The following TTLL5 variants were observed in gnomAD, a reference collection of about 807,000 sequenced individuals.
TTLL5 encodes the protein tubulin polyglutamylase TTLL5.
Under a neutral mutation model 168.4 loss-of-function variants are expected in TTLL5, and 132 were observed. The ratio of observed to expected loss-of-function variants is 0.78; its 90% CI spans 0.68 to 0.91. The LOEUF (loss-of-function observed/expected upper bound fraction) is 0.91, where lower values mean the gene tolerates loss of function less well. Ranked by LOEUF, TTLL5 falls within the 40% of genes least tolerant of loss-of-function variation. The pLI is 0.00. For missense variants in TTLL5, 1,545 were observed against 1,581.5 expected, an observed-to-expected ratio of 0.98 and a Z score of 0.39; for synonymous variants, 546 against 558.6, an observed-to-expected ratio of 0.98 and a Z score of 0.32.
At chr14:75,861,371 C>G (rs961690607) in intron 28 of TTLL5, among the ~76,000 whole-genome samples, 1 of 152,134 alleles carries the variant, frequency 6.6e-6, no homozygotes, top group Admixed American at 6.5e-5. Flanking sequence ...AGGGAGGGCA[C>G]AGGCAACAGA....
In TTLL5 at chr14:75,954,859, G is replaced by A. The variant is rs534397470; in HGVS notation, c.*413G>A. On this transcript the variant is annotated 3_prime_UTR_variant, in exon 32 of 32. Transcript: ENST00000298832. ...GCTTCCTCTTCTTTTCCAGATTACA[G>A]TATGAAGCTTTATTTTCTTTGTACA... The A allele has an allele frequency of 4.6e-4, 79 of 170,416 alleles. 1 individual carries two copies. The highest frequency in any genetic ancestry group is 1.8e-3 in the African/African-American group (75 of 42,248). The allele number at this position is 170,416 out of a possible 1,614,324, so 10.6% of individuals were successfully genotyped here.
intron 29 of TTLL5, among the ~76,000 whole-genome samples, chr14:75,866,548 G>T (rs2030533346): frequency 6.6e-6 from 1 of 152,200 alleles, no homozygotes; most frequent in Admixed American, 6.5e-5. Flanking sequence ...TTATGTTTAT[G>T]AACAGCATCT....
At chr14:75,919,966 C>A (rs574041819) in intron 31 of TTLL5, among the ~76,000 whole-genome samples, 1 of 151,994 alleles carries the variant, frequency 6.6e-6, no homozygotes, top group South Asian at 2.1e-4. Flanking sequence ...ACTAAAAATA[C>A]AAAAATTAGC....
chr14:75,906,327 C>T (rs1452268692), intron 31 of TTLL5, among the ~76,000 whole-genome samples: 1 of 152,096 alleles, frequency 6.6e-6, no homozygotes, highest in Admixed American at 6.6e-5. Flanking sequence ...CCTGATTGCT[C>T]CCCAGATTTT....
At chr14:75,920,764 A>T (rs947720814) in intron 31 of TTLL5, among the ~76,000 whole-genome samples, 2 of 152,236 alleles carry the variant, frequency 1.3e-5, no homozygotes, top group African/African-American at 4.8e-5. Flanking sequence ...GTATATACCC[A>T]GTAATGGGAT....
chr14:75,886,856 TGG>T, intron 30 of TTLL5: 1 of 1,510,726 alleles, frequency 6.6e-7, no homozygotes, highest in Non-Finnish European at 8.8e-7. Flanking sequence ...CCAGGAAATA[TGG>T]AGAAAGAAAC....
intron 31 of TTLL5, among the ~76,000 whole-genome samples, chr14:75,942,546 C>A (rs1200231363): frequency 1.3e-5 from 2 of 152,136 alleles, no homozygotes; most frequent in Non-Finnish European, 2.9e-5. Context: ...ATAAAAGAAA[C>A]AATGATTTAG....
chr14:75,680,614 G>GGTTTT, intron 3 of TTLL5, among the ~76,000 whole-genome samples: 1 of 141,108 alleles, frequency 7.1e-6, no homozygotes, highest in African/African-American at 2.8e-5. Flanking sequence ...CTAGAGCAGG[G>GGTTTT]ATTTTTTTTT....
chr14:75,954,402 T>C (rs2035053403), intron 31 of TTLL5, 22 bp from the exon 32 acceptor site: 1 of 1,613,772 alleles, frequency 6.2e-7, no homozygotes, highest in African/African-American at 1.3e-5. Flanking sequence ...ATTCATTTCA[T>C]GGTTGCCTTT....
intron 28 of TTLL5, among the ~76,000 whole-genome samples, chr14:75,820,430 C>G (rs562860906): frequency 6.6e-6 from 1 of 151,992 alleles, no homozygotes; most frequent in South Asian, 2.1e-4. Context: ...ATGTTTAAAC[C>G]TTGCTTATAG....
At chr14:75,785,693 A>T (rs551058839) in intron 26 of TTLL5, among the ~76,000 whole-genome samples, 1 of 152,318 alleles carries the variant, frequency 6.6e-6, no homozygotes, top group South Asian at 2.1e-4. Context: ...GTAAAAGTTT[A>T]TTTTTAAGGC....
At chr14:75,728,383 A>G (rs1888323082) in intron 12 of TTLL5, among the ~76,000 whole-genome samples, 1 of 151,692 alleles carries the variant, frequency 6.6e-6, no homozygotes, top group Non-Finnish European at 1.5e-5. Context: ...AAGAGAGAAA[A>G]AGAGACTAAA....
Position 75,681,542 on chromosome 14 carries a change from T to C in TTLL5, c.182-3T>C, listed in dbSNP as rs768847182. The C allele has an allele frequency of 1.2e-5, 19 of 1,612,522 alleles. No homozygotes were observed. The East Asian group carries it at 4.0e-4, about 34-fold the overall frequency. The stretch of plus-strand genomic sequence containing the variant: ...TACTGAACTTGATTCTGTTTTTCTT[T>C]AGAACGTTATCATTTGTCTTATAAG... On this transcript the variant is annotated splice_polypyrimidine_tract_variant and splice_region_variant and intron_variant, in intron 3 of 31. Transcript: ENST00000298832.
chr14:75,848,443 A>G (rs1246372731), intron 28 of TTLL5, among the ~76,000 whole-genome samples: 5 of 152,082 alleles, frequency 3.3e-5, no homozygotes, highest in Non-Finnish European at 2.9e-5. Flanking sequence ...CAGTTTTACA[A>G]TAAGGGCCAG....
At position 75,893,575 on chromosome 14, in the gene TTLL5, T is replaced by G. The variant is rs572173260; in HGVS notation, c.3741-8567T>G. Among the ~76,000 whole-genome samples the G allele has an allele frequency of 7.5e-4, 114 of 152,250 alleles. 1 individual carries two copies. Among genetic ancestry groups the G allele is most frequent in the Non-Finnish European group, 1.5e-3 (100 of 68,000 alleles). ...GGCTCACGCCTGTAATCCCAGCACT[T>G]TGGGAGGCCGAGGTGGGCGGATCAC... On this transcript the variant is annotated intron_variant, in intron 30 of 31. Transcript: ENST00000298832.
chr14:75,831,079 G>T (rs768799498), intron 28 of TTLL5, among the ~76,000 whole-genome samples: 1 of 152,132 alleles, frequency 6.6e-6, no homozygotes, highest in Non-Finnish European at 1.5e-5. Context: ...AGCTCAAAAC[G>T]AGCTTACGTG....
At chr14:75,783,087 A>G in intron 25 of TTLL5, 60 bp from the exon 26 acceptor site, 3 of 1,474,638 alleles carry the variant, frequency 2.0e-6, no homozygotes, top group Non-Finnish European at 1.8e-6. Flanking sequence ...TATTTGTTTT[A>G]TAGAGATTGT....
intron 13 of TTLL5, 146 bp downstream of exon 13, chr14:75,732,565 T>C (rs376615847): frequency 1.5e-6 from 1 of 660,846 alleles, no homozygotes. Context: ...TTAAATCAGC[T>C]GGTTTATGGC....
chr14:75,937,827 A>G (rs561725481), intron 31 of TTLL5, among the ~76,000 whole-genome samples: 1 of 152,230 alleles, frequency 6.6e-6, no homozygotes, highest in South Asian at 2.1e-4. Flanking sequence ...TGGGTGTGCA[A>G]ATATATGTTT....
Sources: gnomAD v4.1 joint callset for allele counts (sites outside exome capture counted in the v4.1 genomes callset) on GRCh38, gnomAD v4.1.1 for gene constraint, MANE v1.5 for transcripts, NCBI Gene and HGNC (gene_info 2026-07-23, HGNC 2026-07-21) for gene names.